SIVA1: variants seen among roughly 807,000 people sequenced by gnomAD.
SIVA1 encodes apoptosis regulatory protein Siva.
SIVA1 carries 10 observed loss-of-function variants against 19.7 expected under a neutral mutation model. That is an observed-to-expected ratio of 0.51 (90% CI 0.31 to 0.86). The LOEUF (loss-of-function observed/expected upper bound fraction) is 0.86, where lower values mean the gene tolerates loss of function less well. SIVA1 is among the 40% of genes least tolerant of loss of function. SIVA1 has a pLI of 0.04. For synonymous variants in SIVA1, 130 were observed against 106.1 expected, an observed-to-expected ratio of 1.23 and a Z score of -1.39; for missense variants, 241 against 245.2, an observed-to-expected ratio of 0.98 and a Z score of 0.11.
chr14:104,757,879 C>T (rs1891949252), intron 3 of SIVA1: 1 of 152,648 alleles, frequency 6.6e-6, no homozygotes, highest in East Asian at 1.9e-4. Context: ...TTCCTCCTGG[C>T]CTCTACCTAC....
chr14:104,756,494 A>G, intron 2 of SIVA1, 110 bp from the exon 3 acceptor site: 1 of 1,224,174 alleles, frequency 8.2e-7, no homozygotes, highest in Non-Finnish European at 1.2e-6. Flanking sequence ...GGGATGGGGT[A>G]GGCAGGTCAG....
rs745554490 is a variant in SIVA1 at position 104,755,818 on chromosome 14, G to A, written c.307G>A (p.Glu103Lys). The change falls in exon 2 of 4, where the codon GAA (glutamate) becomes AAA (lysine). Residue 103 changes from glutamate (E) to lysine (K), a missense_variant. Coordinates refer to ENST00000329967, the MANE Select transcript of SIVA1 (RefSeq NM_006427.4). ...RLIRSLGQASEADPSGVASIA... is the reference protein window; with the variant it reads ...RLIRSLGQASKADPSGVASIA... The stretch of plus-strand genomic sequence containing the variant: ...GATCAGGAGCCTTGGGCAGGCCTCC[G>A]AAGCTGGTGAGTGGCACCAGCAGCC... The A allele has an allele frequency of 1.4e-5, 23 of 1,613,262 alleles. 1 individual carries two copies. The highest frequency in any genetic ancestry group is 1.3e-4 in the South Asian group (12 of 91,012).
In SIVA1 at chr14:104,756,646, G is replaced by A. The variant is rs1889634072; in HGVS notation, c.356G>A (p.Arg119Gln). 3 of 1,614,164 alleles carry A rather than the reference G, an allele frequency of 1.9e-6. No homozygotes were observed. The highest frequency in any genetic ancestry group is 1.3e-5 in the African/African-American group (1 of 75,054). The change falls in exon 3 of 4, where the codon CGA (arginine) becomes CAA (glutamine). Residue 119 changes from arginine to glutamine, a missense_variant. Physicochemically the swap from Arg to Gln is conservative, Grantham distance 43. Coordinates refer to ENST00000329967, the MANE Select transcript of SIVA1 (RefSeq NM_006427.4). ...TCCATTGCCTGTTCCTCATGCGTGC[G>A]AGCCGTGGATGGGAAGGCGGTCTGC... ...VASIACSSCV[R>Q]AVDGKAVCGQ...
rs540330795 is a variant in SIVA1, at chr14:104,759,168, T to A, written c.471-260T>A. The A allele has an allele frequency of 2.2e-5, 8 of 362,162 alleles. No homozygotes were observed. Among genetic ancestry groups the A allele is most frequent in the Non-Finnish European group, 4.0e-5 (8 of 199,298 alleles). 22.4% of individuals were successfully genotyped at this position (362,162 alleles called of 1,614,324 possible). A position where few individuals can be genotyped will look rare whatever the true frequency, so the allele number is the denominator to read the frequency against. On this transcript the variant is annotated intron_variant, in intron 3 of 3. Transcript: ENST00000329967. The surrounding 1 kb of genome is among the most constrained non-coding windows in gnomAD (Gnocchi z 4.2). Reference sequence around the variant, plus strand: ...GTGTTCCCTGTAGACAGCTGCCCCCTCCCTGTATCTTCATGTCGTCTTCCT... The same window carrying A: ...GTGTTCCCTGTAGACAGCTGCCCCCACCCTGTATCTTCATGTCGTCTTCCT...
Position 104,759,150 on chromosome 14 carries a change from C to A in SIVA1, c.471-278C>A. The A allele has an allele frequency of 3.1e-6, 1 of 322,700 alleles. No homozygotes were observed. Among genetic ancestry groups the A allele is most frequent in the Non-Finnish European group, 5.7e-6 (1 of 174,798 alleles). 20.0% of individuals were successfully genotyped at this position (322,700 alleles called of 1,614,324 possible). A position where few individuals can be genotyped will look rare whatever the true frequency, so the allele number is the denominator to read the frequency against. On this transcript the variant is annotated intron_variant, in intron 3 of 3. Coordinates refer to ENST00000329967, the MANE Select transcript of SIVA1 (RefSeq NM_006427.4). The surrounding 1 kb of genome is among the most constrained non-coding windows in gnomAD (Gnocchi z 4.2). ...ATCTGCTGGTTATCTTTGGTGTTCCCTGTAGACAGCTGCCCCCTCCCTGTA... is the reference window on the plus strand; with the variant it reads ...ATCTGCTGGTTATCTTTGGTGTTCCATGTAGACAGCTGCCCCCTCCCTGTA...
intron 3 of SIVA1, chr14:104,758,356 C>G (rs984053610): frequency 2.0e-5 from 3 of 152,300 alleles, no homozygotes; most frequent in African/African-American, 7.2e-5. Context: ...GCAAGCAGTT[C>G]TGGCTGCCTT....
At chr14:104,756,543 C>G (rs140517346) in intron 2 of SIVA1, 61 bp from the exon 3 acceptor site, 3 of 1,601,530 alleles carry the variant, frequency 1.9e-6, no homozygotes, top group African/African-American at 1.3e-5. Flanking sequence ...GCAGGTAGCC[C>G]GGCAGTCCCG....
Position 104,753,300 on chromosome 14 carries a change from C to T in SIVA1, c.99C>T (p.Arg33=), listed in dbSNP as rs763810433. Residue 33 remains arginine (R), a synonymous_variant, in exon 1 of 4, where the codon CGC becomes CGT. Coordinates refer to ENST00000329967, the MANE Select transcript of SIVA1 (RefSeq NM_006427.4). ...TGAGCCGCGGCGTGTGCGCCGAGCG[C>T]TACTCGCAGGAGGTCTTCGGTGAGT... ...RELSRGVCAE[R]YSQEVFEKTK... 7.5e-6 allele frequency: 12 copies of T among 1,600,580 alleles called. No homozygotes were observed. The highest frequency in any genetic ancestry group is 3.4e-5 in the Admixed American group (2 of 59,170).
chr14:104,757,075 C>G, intron 3 of SIVA1: 1 of 436,010 alleles, frequency 2.3e-6, no homozygotes. Context: ...TGAGCCCCCC[C>G]TCCCCCCGTC....
chr14:104,753,636 C>T (rs1891783069), intron 1 of SIVA1: 2 of 457,110 alleles, frequency 4.4e-6, no homozygotes, highest in Non-Finnish European at 8.2e-6. Context: ...CCGCCTGGTG[C>T]TTTCTCAGGA....
chr14:104,755,049 G>A (rs1191506797), intron 1 of SIVA1, among the ~76,000 whole-genome samples: 2 of 152,222 alleles, frequency 1.3e-5, no homozygotes, highest in East Asian at 3.8e-4. Flanking sequence ...GGATGGGTGG[G>A]TGTTCTAGAA....
At chr14:104,753,762 A>G (rs1891789657) in intron 1 of SIVA1, 1 of 454,934 alleles carries the variant, frequency 2.2e-6, no homozygotes, top group Non-Finnish European at 4.4e-6. Flanking sequence ...CGGCCCTGCC[A>G]GGCACGGCGG....
At position 104,755,618 on chromosome 14, in the gene SIVA1, A is replaced by G. The variant is rs780208577; in HGVS notation, c.119-12A>G. 1.2e-6 allele frequency: 2 copies of G among 1,606,100 alleles called. No individual in the cohort carries two copies. Among genetic ancestry groups the G allele is most frequent in the Admixed American group, 3.4e-5 (2 of 58,086 alleles). ...ACAGTGAAGGACGTGAGAATGATTT[A>G]TCTTCCCCCAGAGAAGACCAAGCGA... is the stretch of plus-strand genomic sequence containing the variant. On this transcript the variant is annotated splice_polypyrimidine_tract_variant and intron_variant, in intron 1 of 3. Coordinates refer to ENST00000329967, the MANE Select transcript of SIVA1 (RefSeq NM_006427.4).
intron 1 of SIVA1, among the ~76,000 whole-genome samples, chr14:104,754,766 C>G (rs751738013): frequency 3.9e-5 from 6 of 152,144 alleles, no homozygotes; most frequent in Non-Finnish European, 7.3e-5. Context: ...CATTCCTTTC[C>G]CCTTATAGAT....
chr14:104,758,655 A>G (rs1430483963), intron 3 of SIVA1: 2 of 152,034 alleles, frequency 1.3e-5, no homozygotes, highest in African/African-American at 2.4e-5. Context: ...ACGCCCAGCT[A>G]ATTTTTGTAT....
chr14:104,753,692 C>T (rs1197596302), intron 1 of SIVA1: 2 of 428,400 alleles, frequency 4.7e-6, no homozygotes, highest in African/African-American at 2.0e-5. Context: ...AGCGGGGCGT[C>T]CTGCATGGAG....
At position 104,753,229 on chromosome 14, in the gene SIVA1, G is replaced by T. The variant is rs1299781789; in HGVS notation, c.28G>T (p.Asp10Tyr). Residue 10 changes from aspartate to tyrosine, a missense_variant, in exon 1 of 4, where the codon GAC becomes TAC. Coordinates refer to ENST00000329967, the MANE Select transcript of SIVA1 (RefSeq NM_006427.4). ...GCCCAAGCGGAGCTGCCCCTTCGCG[G>T]ACGTGGCCCCGCTACAGCTCAAGGT... MPKRSCPFA[D>Y]VAPLQLKVRV... 1 of 1,585,480 alleles carries T rather than the reference G, an allele frequency of 6.3e-7. No homozygotes were observed. Among genetic ancestry groups the T allele is most frequent in the African/African-American group, 1.4e-5 (1 of 73,242 alleles).
intron 1 of SIVA1, 31 bp downstream of exon 1, chr14:104,753,350 C>T: frequency 6.8e-7 from 1 of 1,464,688 alleles, no homozygotes; most frequent in Non-Finnish European, 9.4e-7. Flanking sequence ...CGAGGGTCCG[C>T]TGCGTCGGGG....
chr14:104,758,630 C>T (rs1358019202), intron 3 of SIVA1: 1 of 152,056 alleles, frequency 6.6e-6, no homozygotes, highest in East Asian at 1.9e-4. Flanking sequence ...GCTGGAGTTA[C>T]AGGCGTGCGC....
Sources: gnomAD v4.1 joint callset for allele counts (sites outside exome capture counted in the v4.1 genomes callset) on GRCh38, gnomAD v4.1.1 for gene constraint, Gnocchi (gnomAD v3.1) non-coding constraint, MANE v1.5 for transcripts, NCBI Gene and HGNC (gene_info 2026-07-23, HGNC 2026-07-21) for gene names.